The following UBE2D4 variants were observed in gnomAD, a reference collection of about 807,000 sequenced individuals.
The protein encoded by UBE2D4 is ubiquitin conjugating enzyme E2 D4, also known as ubiquitin-conjugating enzyme E2 D4.
A neutral mutation model predicts 23.0 loss-of-function variants in UBE2D4; 17 were observed. That is an observed-to-expected ratio of 0.74 (90% CI 0.51 to 1.11). UBE2D4 has a LOEUF of 1.11. UBE2D4 is among the 50% of genes least tolerant of loss of function. The probability of loss-of-function intolerance (pLI) is 0.00; values close to 1 mark genes in which losing one functional copy is unlikely to be tolerated. For synonymous variants in UBE2D4, 61 were observed against 69.4 expected, an observed-to-expected ratio of 0.88 and a Z score of 0.60; for missense variants, 139 against 181.8, an observed-to-expected ratio of 0.76 and a Z score of 1.35.
chr7:43,942,047 A>C (rs2132774549), intron 2 of UBE2D4: 1 of 152,536 alleles, frequency 6.6e-6, no homozygotes, highest in South Asian at 2.1e-4. Flanking sequence ...CAACAATGTG[A>C]TTTAGGGTGA....
intron 2 of UBE2D4, among the ~76,000 whole-genome samples, chr7:43,940,002 A>T (rs2095967644): frequency 6.6e-6 from 1 of 152,230 alleles, no homozygotes; most frequent in African/African-American, 2.4e-5. Context: ...AAGTTGTTTA[A>T]ATTGCATATT....
At chr7:43,926,706 C>T (rs2095931817) in intron 1 of UBE2D4, 150 bp downstream of exon 1, 2 of 859,774 alleles carry the variant, frequency 2.3e-6, no homozygotes, top group African/African-American at 1.8e-5. Context: ...TCCCGCGCAG[C>T]CTGAAAAGCG....
intron 5 of UBE2D4, among the ~76,000 whole-genome samples, chr7:43,949,603 G>A (rs2095996892): frequency 6.6e-6 from 1 of 152,166 alleles, no homozygotes; most frequent in Non-Finnish European, 1.5e-5. Context: ...GAACTTTGAT[G>A]GACTCACTGA....
rs1431167869 is a variant in UBE2D4 at position 43,950,723 on chromosome 7, C to T, written c.398+31C>T. On this transcript the variant is annotated intron_variant, in intron 6 of 6. Coordinates refer to ENST00000222402, the MANE Select transcript of UBE2D4 (RefSeq NM_015983.4). ...TGTCCTCTTTGGGTTGCCTTTGCACCATGGCTGCCCCAGGCAGCTCCATGC... is the reference window on the plus strand; with the variant it reads ...TGTCCTCTTTGGGTTGCCTTTGCACTATGGCTGCCCCAGGCAGCTCCATGC... 6 of 1,569,902 alleles carry T rather than the reference C, an allele frequency of 3.8e-6. No individual in the cohort carries two copies. In the African/African-American group the frequency reaches 5.4e-5, roughly 14 times the overall value.
intron 4 of UBE2D4, among the ~76,000 whole-genome samples, chr7:43,948,272 G>A (rs1198557714): frequency 3.9e-5 from 6 of 152,152 alleles, no homozygotes. Context: ...TTGGGCCTGA[G>A]CTTTTCTGCT....
chr7:43,934,045 A>G (rs2095952978), intron 1 of UBE2D4, among the ~76,000 whole-genome samples: 1 of 152,228 alleles, frequency 6.6e-6, no homozygotes, highest in African/African-American at 2.4e-5. Flanking sequence ...GAACACAGGC[A>G]CAGAAACAGG....
At chr7:43,937,804 G>T (rs997811128) in intron 1 of UBE2D4, among the ~76,000 whole-genome samples, 4 of 152,144 alleles carry the variant, frequency 2.6e-5, no homozygotes, top group African/African-American at 9.7e-5. Flanking sequence ...CCCATAAAGG[G>T]AATCTAGTCG....
chr7:43,949,768 G>A (rs187990123), intron 5 of UBE2D4, among the ~76,000 whole-genome samples: 1 of 152,344 alleles, frequency 6.6e-6, no homozygotes, highest in Non-Finnish European at 1.5e-5. Flanking sequence ...GGGTTGCTGA[G>A]AGCCACATTG....
At position 43,943,039 on chromosome 7, in the gene UBE2D4, C is replaced by T. The variant is rs772249835; in HGVS notation, c.198+8C>T. 27 of 1,613,738 alleles carry T rather than the reference C, an allele frequency of 1.7e-5. No homozygotes were observed. In the East Asian group the frequency reaches 5.8e-4, roughly 35 times the overall value. On this transcript the variant is annotated splice_region_variant and intron_variant, in intron 4 of 6. Coordinates refer to ENST00000222402, the MANE Select transcript of UBE2D4 (RefSeq NM_015983.4). ...CCGTTCAAGCCCCCAAAGGTGAGGT[C>T]CCTCTCCCAACTCCCCTGATGTTTG...
Position 43,943,454 on chromosome 7 carries a change from T to C in UBE2D4, c.198+423T>C, listed in dbSNP as rs143407813. ...CAAAACCGTGGTGAGGGAGTACTACTGGTATCTAGTCGGCAAAGGCCAGGG... is the reference window on the plus strand; with the variant it reads ...CAAAACCGTGGTGAGGGAGTACTACCGGTATCTAGTCGGCAAAGGCCAGGG... On this transcript the variant is annotated intron_variant, in intron 4 of 6. Coordinates refer to ENST00000222402, the MANE Select transcript of UBE2D4 (RefSeq NM_015983.4). 1.3e-3 allele frequency: 326 copies of C among 242,840 alleles called. 3 individuals are homozygous for C. Among genetic ancestry groups the C allele is most frequent in the Middle Eastern group, 8.8e-3 (6 of 678 alleles). 15.0% of individuals were successfully genotyped at this position (242,840 alleles called of 1,614,324 possible). A position where few individuals can be genotyped will look rare whatever the true frequency, so the allele number is the denominator to read the frequency against.
At chr7:43,934,216 C>A (rs1274010429) in intron 1 of UBE2D4, among the ~76,000 whole-genome samples, 1 of 149,928 alleles carries the variant, frequency 6.7e-6, no homozygotes, top group Non-Finnish European at 1.5e-5. Flanking sequence ...TTTTTTTTTT[C>A]TGGAATACGT....
chr7:43,930,967 T>A (rs2095943970), intron 1 of UBE2D4, among the ~76,000 whole-genome samples: 1 of 151,608 alleles, frequency 6.6e-6, no homozygotes, highest in Non-Finnish European at 1.5e-5. Flanking sequence ...CCACTAAAAA[T>A]ACAAAAATTA....
chr7:43,946,266 T>C (rs934002463), intron 4 of UBE2D4: 3 of 152,228 alleles, frequency 2.0e-5, no homozygotes, highest in African/African-American at 7.2e-5. Flanking sequence ...AGAGGTACCA[T>C]GTACCTACTT....
At chr7:43,937,535 C>G (rs80107327) in intron 1 of UBE2D4, among the ~76,000 whole-genome samples, 11,042 of 152,240 alleles carry the variant, frequency 0.073, 519 homozygotes, top group Middle Eastern at 0.14. Flanking sequence ...AGATACTAAT[C>G]GAGAATTGGC....
In UBE2D4 at chr7:43,950,689, A is replaced by G. The variant is rs2096000390; in HGVS notation, c.395A>G (p.Glu132Gly). ...GCACACACCTACAAGGCCGACAGAG[A>G]GAAGTACGTGTCCTCTTTGGGTTGC... ...EIAHTYKADR[E>G]KYNRLAREWT... Residue 132 changes from glutamate to glycine, a missense_variant, in exon 6 of 7, where the codon GAG becomes GGG. By Grantham distance (98) the Glu-to-Gly change is moderately conservative. Transcript: ENST00000222402. 3 of 1,613,738 alleles carry G rather than the reference A, an allele frequency of 1.9e-6. No individual in the cohort carries two copies. The South Asian group carries it at 3.3e-5, about 18-fold the overall frequency.
intron 2 of UBE2D4, among the ~76,000 whole-genome samples, chr7:43,940,619 C>T (rs762259570): frequency 6.6e-6 from 1 of 152,150 alleles, no homozygotes; most frequent in Non-Finnish European, 1.5e-5. Flanking sequence ...CTCATGGGCT[C>T]ACAGCCATTT....
At chr7:43,942,412 AGT>A in intron 2 of UBE2D4, 1 of 320,432 alleles carries the variant, frequency 3.1e-6, no homozygotes, top group East Asian at 7.3e-5. Flanking sequence ...CAAATAAGTC[AGT>A]CATGCTCTCA....
At chr7:43,951,970 A>C (rs2096003559) in intron 6 of UBE2D4, 1 of 152,208 alleles carries the variant, frequency 6.6e-6, no homozygotes, top group African/African-American at 2.4e-5. Flanking sequence ...AGACATACCA[A>C]AAGTGATTTT....
At chr7:43,929,262 T>C (rs967829710) in intron 1 of UBE2D4, among the ~76,000 whole-genome samples, 3 of 151,746 alleles carry the variant, frequency 2.0e-5, no homozygotes. Flanking sequence ...TCTTCTGTAA[T>C]AAAAATACAA....
Sources: allele counts gnomAD v4.1 joint callset (sites outside exome capture counted in the v4.1 genomes callset), GRCh38; gene constraint gnomAD v4.1.1; transcripts MANE v1.5; gene names NCBI Gene and HGNC (gene_info 2026-07-23, HGNC 2026-07-21).